The following GNB4 variants were observed in gnomAD, a reference collection of about 807,000 sequenced individuals.
The protein encoded by GNB4 is guanine nucleotide-binding protein subunit beta-4.
Under a neutral mutation model 45.2 loss-of-function variants are expected in GNB4, and 28 were observed. The observed-to-expected ratio is 0.62, with a 90% CI of 0.46 to 0.85. The LOEUF (loss-of-function observed/expected upper bound fraction) is 0.85. GNB4 is among the 40% of genes least tolerant of loss of function. GNB4 has a pLI of 0.00. For synonymous variants in GNB4, 132 were observed against 143.7 expected (o/e 0.92, Z 0.58); for missense variants, 321 against 425.4 (o/e 0.75, Z 2.16).
At chr3:179,520,343 T>C in the GNB4 span, among the ~76,000 whole-genome samples, 1 of 152,080 alleles carries the variant, frequency 6.6e-6, no homozygotes, top group Non-Finnish European at 1.5e-5. Context: ...GTCCAGCTAA[T>C]CTCCAAAACC....
At chr3:179,500,215 G>T in the GNB4 span, among the ~76,000 whole-genome samples, 4 of 152,102 alleles carry the variant, frequency 2.6e-5, no homozygotes, top group Non-Finnish European at 5.9e-5. Flanking sequence ...TATGTTTTTA[G>T]GTCTTACATT....
At chr3:179,459,948 A>G in the GNB4 span, among the ~76,000 whole-genome samples, 2 of 152,310 alleles carry the variant, frequency 1.3e-5, no homozygotes, top group South Asian at 4.1e-4. Flanking sequence ...GACTTCACCA[A>G]TTCATTCAAT....
intron 1 of GNB4, among the ~76,000 whole-genome samples, chr3:179,445,585 C>T (rs1715700754): frequency 6.6e-6 from 1 of 152,090 alleles, no homozygotes; most frequent in Non-Finnish European, 1.5e-5. Context: ...TGCAACTGGC[C>T]AACACTTTTG....
the GNB4 span, chr3:179,465,250 C>T: frequency 0.038 from 55,844 of 1,477,786 alleles, 1,366 homozygotes; most frequent in Middle Eastern, 0.13. Flanking sequence ...GACAAAAAGC[C>T]GGTTATATCA....
chr3:179,459,045 G>A, the GNB4 span, among the ~76,000 whole-genome samples: 1 of 152,182 alleles, frequency 6.6e-6, no homozygotes, highest in African/African-American at 2.4e-5. Context: ...AGATTTGTAA[G>A]GGAATATTAT....
the GNB4 span, among the ~76,000 whole-genome samples, chr3:179,457,689 T>C: frequency 6.6e-6 from 1 of 152,140 alleles, no homozygotes; most frequent in Non-Finnish European, 1.5e-5. Context: ...TAAGAACAAA[T>C]AGAGTCAGGC....
At chr3:179,441,346 C>T (rs1715588788) in intron 1 of GNB4, among the ~76,000 whole-genome samples, 1 of 152,226 alleles carries the variant, frequency 6.6e-6, no homozygotes, top group Admixed American at 6.5e-5. Context: ...TCCTGGGCTA[C>T]TAACCCGTAC....
the GNB4 span, among the ~76,000 whole-genome samples, chr3:179,481,124 T>TAA: frequency 6.6e-6 from 1 of 152,152 alleles, no homozygotes; most frequent in Non-Finnish European, 1.5e-5. Context: ...GTGCTGGGAT[T>TAA]ACAGGCGTGA....
chr3:179,416,588 C>T (rs1409896872), intron 4 of GNB4, 32 bp from the exon 5 acceptor site: 1 of 1,398,740 alleles, frequency 7.1e-7, no homozygotes, highest in Admixed American at 2.1e-5. Flanking sequence ...TAATTTGACA[C>T]TTAGAGGGAA....
rs1484496111 is a variant in GNB4, at chr3:179,399,319, C to T, written c.*1894G>A. 1 of 152,226 alleles carries T rather than the reference C, an allele frequency of 6.6e-6. No individual in the cohort carries two copies. Among genetic ancestry groups the T allele is most frequent in the Non-Finnish European group, 1.5e-5 (1 of 68,104 alleles). The allele number at this position is 152,226 out of a possible 1,614,324, so 9.4% of individuals were successfully genotyped here. A position where few individuals can be genotyped will look rare whatever the true frequency, so the allele number is the denominator to read the frequency against. ...CCGGGTTCAGGCGAATCTCCTGCCT[C>T]AGCCTCCCGAGTAGCTGGGATTACA... On this transcript the variant is annotated 3_prime_UTR_variant, in exon 10 of 10. Coordinates refer to ENST00000232564, the MANE Select transcript of GNB4 (RefSeq NM_021629.4).
chr3:179,465,752 A>C, the GNB4 span, among the ~76,000 whole-genome samples: 1 of 150,512 alleles, frequency 6.6e-6, no homozygotes, highest in African/African-American at 2.4e-5. Flanking sequence ...AGATATTCCT[A>C]TATTCAGTAA....
the GNB4 span, among the ~76,000 whole-genome samples, chr3:179,479,658 G>A: frequency 2.0e-5 from 3 of 152,130 alleles, no homozygotes; most frequent in Non-Finnish European, 2.9e-5. Flanking sequence ...ATTCACTAAG[G>A]TCGTCCTGTG....
At chr3:179,459,771 G>C in the GNB4 span, among the ~76,000 whole-genome samples, 1 of 151,828 alleles carries the variant, frequency 6.6e-6, no homozygotes, top group Non-Finnish European at 1.5e-5. Context: ...GTTTCATTAC[G>C]AATATTTTAT....
Position 179,426,143 on chromosome 3 carries a change from CCTG to C in GNB4, c.55_57del (p.Gln19del). The stretch of plus-strand genomic sequence containing the variant: ...AACATTTTGAAATGAAAAGGTTTTA[CCTG>C]AATCTGATTCCGCAGTTGTTCTGCT... On this transcript the variant is annotated inframe_deletion and splice_region_variant, in exon 2 of 10. Coordinates refer to ENST00000232564, the MANE Select transcript of GNB4 (RefSeq NM_021629.4). 1 of 1,597,904 alleles carries C rather than the reference CCTG, an allele frequency of 6.3e-7. No individual in the cohort carries two copies.
the GNB4 span, among the ~76,000 whole-genome samples, chr3:179,521,464 C>G: frequency 6.6e-6 from 1 of 152,344 alleles, no homozygotes; most frequent in African/African-American, 2.4e-5. Flanking sequence ...AGGCCCCAGT[C>G]TCATTCCAGA....
chr3:179,451,646 CCG>C (rs1330907052), upstream of GNB4: 2 of 151,742 alleles, frequency 1.3e-5, no homozygotes, highest in Non-Finnish European at 2.9e-5. Flanking sequence ...GGAGCGGGCG[CCG>C]CGCGCAGCTT....
chr3:179,439,516 C>A (rs1335321732), intron 1 of GNB4, among the ~76,000 whole-genome samples: 1 of 152,050 alleles, frequency 6.6e-6, no homozygotes, highest in African/African-American at 2.4e-5. Context: ...TCCTTGTGGG[C>A]CCCGAGATCT....
the GNB4 span, among the ~76,000 whole-genome samples, chr3:179,520,312 C>T: frequency 7.2e-5 from 11 of 152,072 alleles, no homozygotes; most frequent in Admixed American, 5.9e-4. Context: ...TAAAAACACA[C>T]GTGCTCTCCC....
chr3:179,489,843 T>C, the GNB4 span, among the ~76,000 whole-genome samples: 1 of 152,328 alleles, frequency 6.6e-6, no homozygotes, highest in Middle Eastern at 3.4e-3. Context: ...GAAATGTAGC[T>C]AGGACTGTCT....
Sources: allele counts gnomAD v4.1 joint callset (sites outside exome capture counted in the v4.1 genomes callset), GRCh38; gene constraint gnomAD v4.1.1; transcripts MANE v1.5; gene names NCBI Gene and HGNC (gene_info 2026-07-23, HGNC 2026-07-21).